Variants in ANKRD30BL observed in about 807,000 individuals in gnomAD.
ANKRD30BL encodes ankyrin repeat domain 30B like.
ANKRD30BL carries 20 observed loss-of-function variants against 18.4 expected under a neutral mutation model. That is an observed-to-expected ratio of 1.09 (90% CI 0.77 to 1.58). ANKRD30BL has a LOEUF of 1.58. Ranked by LOEUF, ANKRD30BL falls within the 40% of genes most tolerant of loss-of-function variation. ANKRD30BL has a pLI of 0.00. For synonymous variants in ANKRD30BL, 72 were observed against 100.9 expected, an observed-to-expected ratio of 0.71 and a Z score of 1.72; for missense variants, 224 against 268.6, an observed-to-expected ratio of 0.83 and a Z score of 1.16.
At chr2:132,218,817 G>A (rs905974641) in intron 1 of ANKRD30BL, among the ~76,000 whole-genome samples, 2 of 152,130 alleles carry the variant, frequency 1.3e-5, no homozygotes, top group Non-Finnish European at 2.9e-5. Context: ...ATAAAAATTA[G>A]ACAGCAGCAT....
intron 1 of ANKRD30BL, among the ~76,000 whole-genome samples, chr2:132,175,730 T>G (rs1019769754): frequency 1.3e-5 from 2 of 152,258 alleles, no homozygotes; most frequent in Non-Finnish European, 2.9e-5. Flanking sequence ...CCGCAGTGCA[T>G]TGTGCCCCTG....
chr2:132,154,028 T>C (rs1220780985), intron 4 of ANKRD30BL, among the ~76,000 whole-genome samples: 1 of 152,214 alleles, frequency 6.6e-6, no homozygotes, highest in African/African-American at 2.4e-5. Context: ...CAAAGTTAGC[T>C]AGAAGTCGGA....
chr2:132,221,955 G>C (rs1159167385), intron 1 of ANKRD30BL, among the ~76,000 whole-genome samples: 2 of 134,744 alleles, frequency 1.5e-5, no homozygotes, highest in African/African-American at 6.2e-5. Context: ...CGCCCCGTCC[G>C]GGAGGTGAGG....
chr2:132,149,596 G>T (rs1687702289), intron 5 of ANKRD30BL, among the ~76,000 whole-genome samples: 1 of 152,086 alleles, frequency 6.6e-6, no homozygotes. Flanking sequence ...TTCATTTAGG[G>T]TGCAAGAAAA....
intron 5 of ANKRD30BL, among the ~76,000 whole-genome samples, chr2:132,148,670 A>G (rs948085981): frequency 2.0e-5 from 3 of 152,038 alleles, no homozygotes; most frequent in Non-Finnish European, 4.4e-5. Flanking sequence ...GCTCCTGGAC[A>G]CTACCAAACT....
chr2:132,170,588 T>C (rs908355594), intron 1 of ANKRD30BL, among the ~76,000 whole-genome samples: 1 of 152,232 alleles, frequency 6.6e-6, no homozygotes, highest in Non-Finnish European at 1.5e-5. Context: ...TAATTGGACA[T>C]CCAAGGTCAT....
At chr2:132,202,432 CCT>C (rs1372878066) in intron 1 of ANKRD30BL, among the ~76,000 whole-genome samples, 1 of 151,138 alleles carries the variant, frequency 6.6e-6, no homozygotes, top group Non-Finnish European at 1.5e-5. Context: ...TCATTTTTAT[CCT>C]CTTTTTTTTT....
intron 1 of ANKRD30BL, among the ~76,000 whole-genome samples, chr2:132,169,138 A>T (rs1688234962): frequency 1.3e-5 from 2 of 152,128 alleles, no homozygotes; most frequent in Non-Finnish European, 2.9e-5. Context: ...ATATTTTCTG[A>T]TTTTTAGGGA....
At chr2:132,234,050 C>A (rs182958325) in intron 1 of ANKRD30BL, among the ~76,000 whole-genome samples, 1 of 152,106 alleles carries the variant, frequency 6.6e-6, no homozygotes, top group African/African-American at 2.4e-5. Flanking sequence ...AACCACTCAA[C>A]TACATGGAAA....
At chr2:132,240,723 C>T (rs796854079) in intron 1 of ANKRD30BL, among the ~76,000 whole-genome samples, 1 of 151,680 alleles carries the variant, frequency 6.6e-6, no homozygotes, top group Non-Finnish European at 1.5e-5. Context: ...GCATTAATCT[C>T]ACAGAGTTGA....
chr2:132,169,644 T>TG (rs760832053), intron 1 of ANKRD30BL, among the ~76,000 whole-genome samples: 1 of 90,876 alleles, frequency 1.1e-5, no homozygotes, highest in African/African-American at 4.2e-5. Context: ...ATACTCTGTC[T>TG]AAAAAAAAAA....
chr2:132,201,581 A>T (rs1343250047), intron 1 of ANKRD30BL, among the ~76,000 whole-genome samples: 2 of 152,190 alleles, frequency 1.3e-5, no homozygotes, highest in African/African-American at 4.8e-5. Flanking sequence ...GCAAATCAAA[A>T]CCACAATGAG....
intron 1 of ANKRD30BL, among the ~76,000 whole-genome samples, chr2:132,167,289 T>A (rs1434122841): frequency 1.3e-4 from 10 of 79,564 alleles, no homozygotes; most frequent in African/African-American, 9.5e-4. Flanking sequence ...TATTTTATTT[T>A]ATTTTATTTT....
intron 1 of ANKRD30BL, among the ~76,000 whole-genome samples, chr2:132,169,043 C>T (rs1321482786): frequency 1.3e-5 from 2 of 151,986 alleles, no homozygotes; most frequent in Admixed American, 6.6e-5. Flanking sequence ...ACCTGTATTC[C>T]TATCTTTATC....
chr2:132,158,768 A>G (rs1433325339), intron 1 of ANKRD30BL, among the ~76,000 whole-genome samples: 22 of 150,594 alleles, frequency 1.5e-4, no homozygotes, highest in African/African-American at 5.3e-4. Context: ...TAATTAATCT[A>G]TAATTATTGA....
At chr2:132,202,728 C>T (rs1007495452) in intron 1 of ANKRD30BL, among the ~76,000 whole-genome samples, 17 of 152,134 alleles carry the variant, frequency 1.1e-4, no homozygotes, top group African/African-American at 4.1e-4. Context: ...TATATATTTG[C>T]GTACACACAC....
In ANKRD30BL at chr2:132,222,050, G is replaced by C. The variant is rs1167988793; in HGVS notation, n.441+35479C>G. ...CCCTGTCCGGGAGGGAGGCGGGGGG[G>C]GGGGTCGGCCAGCCGCCCCGTCCGG... On this transcript the variant is annotated intron_variant and non_coding_transcript_variant, in intron 1 of 4. Transcript: ENST00000470729. Among the ~76,000 whole-genome samples, 4 of 124,430 alleles carry C rather than the reference G, an allele frequency of 3.2e-5. No homozygotes were observed. In the East Asian group the frequency reaches 1.1e-3, roughly 33 times the overall value. 81.6% of individuals were successfully genotyped at this position (124,430 alleles called of 152,430 possible).
At chr2:132,174,069 A>AT in intron 1 of ANKRD30BL, among the ~76,000 whole-genome samples, 1 of 152,318 alleles carries the variant, frequency 6.6e-6, no homozygotes, top group East Asian at 1.9e-4. Flanking sequence ...AACTAGGCCT[A>AT]TTTTTTATTC....
At position 132,177,715 on chromosome 2, in the gene ANKRD30BL, T is replaced by C. The variant is rs189601194; in HGVS notation, n.442-20569A>G. 6.3e-3 allele frequency among the ~76,000 whole-genome samples: 965 copies of C among 152,316 alleles called. 11 individuals are homozygous for C. Among genetic ancestry groups the C allele is most frequent in the African/African-American group, 0.021 (878 of 41,572 alleles). Reference sequence around the variant, plus strand: ...TTTCAATATAGCATTTTCTCCTTTTTTGTTGTTTTAATGGCATAATATGCT... The same window carrying C: ...TTTCAATATAGCATTTTCTCCTTTTCTGTTGTTTTAATGGCATAATATGCT... On this transcript the variant is annotated intron_variant and non_coding_transcript_variant, in intron 1 of 4. Transcript: ENST00000470729.
Sources: allele counts gnomAD v4.1 joint callset (sites outside exome capture counted in the v4.1 genomes callset), GRCh38; gene constraint gnomAD v4.1.1; transcripts MANE v1.5; gene names NCBI Gene and HGNC (gene_info 2026-07-23, HGNC 2026-07-21).